SLC4A10: variants seen among roughly 807,000 people sequenced by gnomAD.
The protein encoded by SLC4A10 is sodium-driven chloride bicarbonate exchanger.
Under a neutral mutation model 137.7 loss-of-function variants are expected in SLC4A10, and 42 were observed. The observed-to-expected ratio is 0.30, with a 90% CI of 0.24 to 0.39. The LOEUF (loss-of-function observed/expected upper bound fraction) is 0.39. Among genes scored for constraint, SLC4A10 ranks in the 10% least tolerant of loss-of-function variants. SLC4A10 has a pLI of 1.00. For synonymous variants in SLC4A10, 474 were observed against 464.1 expected (o/e 1.02, Z -0.27); for missense variants, 925 against 1,355.0 (o/e 0.68, Z 4.98).
intron 15 of SLC4A10, among the ~76,000 whole-genome samples, chr2:161,927,647 C>G (rs1188027463): frequency 6.6e-6 from 1 of 152,016 alleles, no homozygotes; most frequent in South Asian, 2.1e-4. Flanking sequence ...ATATCCAGAA[C>G]CTACAATGAA....
intron 6 of SLC4A10, among the ~76,000 whole-genome samples, chr2:161,871,736 T>C (rs2061141261): frequency 6.6e-6 from 1 of 152,160 alleles, no homozygotes; most frequent in Non-Finnish European, 1.5e-5. Context: ...GTGTTCATAC[T>C]GTGTGAAATA....
chr2:161,699,931 A>G (rs573538781), intron 1 of SLC4A10, among the ~76,000 whole-genome samples: 120 of 152,344 alleles, frequency 7.9e-4, no homozygotes, highest in African/African-American at 2.7e-3. Flanking sequence ...AACAAATGCT[A>G]TGTAGATAGA....
At chr2:161,722,961 G>A (rs895300353) in intron 1 of SLC4A10, among the ~76,000 whole-genome samples, 6 of 152,174 alleles carry the variant, frequency 3.9e-5, no homozygotes, top group African/African-American at 1.4e-4. Flanking sequence ...ACAATCTGCC[G>A]CAGCTGCTGG....
intron 1 of SLC4A10, among the ~76,000 whole-genome samples, chr2:161,669,330 G>A (rs759760845): frequency 2.0e-5 from 3 of 151,682 alleles, no homozygotes; most frequent in Non-Finnish European, 3.0e-5. Flanking sequence ...AAGTCACTTG[G>A]TCTGTTTCAT....
rs549969925 is a variant in SLC4A10 at position 161,971,163 on chromosome 2, T to C, written c.3160-3086T>C. On this transcript the variant is annotated intron_variant, in intron 23 of 26. Transcript: ENST00000446997. The stretch of plus-strand genomic sequence containing the variant: ...ATTGAATGGATTAATTAATAGCCCC[T>C]GGATTATTCTTCTTGTTAACTGTGT... 1.1e-4 allele frequency among the ~76,000 whole-genome samples: 17 copies of C among 152,368 alleles called. No individual in the cohort carries two copies. The South Asian group carries it at 3.5e-3, about 32-fold the overall frequency.
intron 1 of SLC4A10, among the ~76,000 whole-genome samples, chr2:161,712,933 A>T (rs916355384): frequency 2.0e-5 from 3 of 151,912 alleles, no homozygotes; most frequent in Non-Finnish European, 4.4e-5. Flanking sequence ...GCAAGGATAT[A>T]AAAGTCTGTA....
At chr2:161,875,429 A>G (rs1242999116) in intron 8 of SLC4A10, among the ~76,000 whole-genome samples, 1 of 152,204 alleles carries the variant, frequency 6.6e-6, no homozygotes, top group East Asian at 1.9e-4. Context: ...TTCATCTTAT[A>G]TGATTTGATC....
At chr2:161,950,661 C>T (rs1694642278) in intron 18 of SLC4A10, 26 bp from the exon 19 acceptor site, 3 of 1,562,932 alleles carry the variant, frequency 1.9e-6, no homozygotes, top group Non-Finnish European at 2.6e-6. Flanking sequence ...CAGTTCATAA[C>T]TATGCACATT....
At chr2:161,625,516 A>G (rs2032154246) in intron 1 of SLC4A10, among the ~76,000 whole-genome samples, 1 of 152,066 alleles carries the variant, frequency 6.6e-6, no homozygotes, top group Non-Finnish European at 1.5e-5. Context: ...CCTGCACCAA[A>G]CCAGACGGAG....
intron 3 of SLC4A10, among the ~76,000 whole-genome samples, chr2:161,824,971 A>G (rs1347014152): frequency 3.9e-5 from 6 of 152,158 alleles, no homozygotes; most frequent in African/African-American, 1.4e-4. Context: ...CATGAAGACA[A>G]TGAGGATCAA....
chr2:161,809,447 G>A (rs2056330800), intron 3 of SLC4A10, among the ~76,000 whole-genome samples: 1 of 151,932 alleles, frequency 6.6e-6, no homozygotes, highest in Admixed American at 6.6e-5. Flanking sequence ...TTAATTCTTT[G>A]TCAAAGTTAA....
intron 24 of SLC4A10, among the ~76,000 whole-genome samples, chr2:161,974,754 G>T (rs1261631719): frequency 3.3e-5 from 5 of 152,058 alleles, no homozygotes; most frequent in African/African-American, 4.8e-5. Context: ...TGATTCAGTT[G>T]TATCAGTCAT....
At chr2:161,790,517 T>C (rs2054086025) in intron 2 of SLC4A10, among the ~76,000 whole-genome samples, 1 of 152,198 alleles carries the variant, frequency 6.6e-6, no homozygotes, top group Non-Finnish European at 1.5e-5. Context: ...GCTCCATTAG[T>C]AATAACCAGT....
At chr2:161,684,328 T>C (rs897129766) in intron 1 of SLC4A10, among the ~76,000 whole-genome samples, 3 of 152,220 alleles carry the variant, frequency 2.0e-5, no homozygotes, top group Non-Finnish European at 2.9e-5. Flanking sequence ...TTGATTATTA[T>C]GACCATTTTT....
At chr2:161,916,409 C>A (rs1454446202) in intron 15 of SLC4A10, among the ~76,000 whole-genome samples, 1 of 152,194 alleles carries the variant, frequency 6.6e-6, no homozygotes, top group African/African-American at 2.4e-5. Flanking sequence ...TCTGTAAACT[C>A]TTGTCTAGAT....
intron 1 of SLC4A10, among the ~76,000 whole-genome samples, chr2:161,724,671 A>G (rs1377358860): frequency 1.3e-5 from 2 of 152,162 alleles, no homozygotes; most frequent in Non-Finnish European, 2.9e-5. Flanking sequence ...TTTAGATAGA[A>G]AGAGGCAGAC....
At chr2:161,694,026 GA>G (rs2042251409) in intron 1 of SLC4A10, among the ~76,000 whole-genome samples, 1 of 151,906 alleles carries the variant, frequency 6.6e-6, no homozygotes, top group Non-Finnish European at 1.5e-5. Context: ...GCCAATCATT[GA>G]GGTCTCTTCA....
chr2:161,905,853 A>C lies in SLC4A10; in HGVS notation c.1963A>C (p.Met655Leu), dbSNP rs747149436. 1.2e-6 allele frequency: 2 copies of C among 1,613,360 alleles called. No homozygotes were observed. Among genetic ancestry groups the C allele is most frequent in the Non-Finnish European group, 8.5e-7 (1 of 1,179,608 alleles). The change falls in exon 15 of 27, where the codon ATG (methionine) becomes CTG (leucine). Residue 655 changes from methionine to leucine, a missense_variant. Physicochemically the swap from Met to Leu is conservative, Grantham distance 15. This residue lies in a region of SLC4A10 where 91 missense variants were observed against 95.6 expected (regional missense o/e 0.95). Transcript: ENST00000446997. Reference protein sequence around the residue: ...FELSEAYPINMHNDLELLTQY... With the variant: ...FELSEAYPINLHNDLELLTQY... ...ACTCAGTGAAGCATATCCAATCAACATGCATAATGATCTGGAACTGCTGAC... is the reference window on the plus strand; with the variant it reads ...ACTCAGTGAAGCATATCCAATCAACCTGCATAATGATCTGGAACTGCTGAC...
rs142147099 is a variant in SLC4A10 at position 161,744,766 on chromosome 2, T to G, written c.49-26207T>G. ...ACTTCATCCTCCTTGCTTTTTAACT[T>G]TTTGTTGTTTCTATTTATTTCTTAC... On this transcript the variant is annotated intron_variant, in intron 1 of 26. Coordinates refer to ENST00000446997, the MANE Select transcript of SLC4A10 (RefSeq NM_001178015.2). Among the ~76,000 whole-genome samples the G allele has an allele frequency of 5.2e-3, 784 of 152,222 alleles. 4 individuals are homozygous for G. The highest frequency in any genetic ancestry group is 8.9e-3 in the Non-Finnish European group (604 of 67,966).
Sources: gnomAD v4.1 joint callset for allele counts (sites outside exome capture counted in the v4.1 genomes callset) on GRCh38, gnomAD v4.1.1 for gene constraint, gnomAD v4.1.1 regional missense constraint, MANE v1.5 for transcripts, NCBI Gene and HGNC (gene_info 2026-07-23, HGNC 2026-07-21) for gene names.